The following HMCN2 variants were observed in gnomAD, a reference collection of about 807,000 sequenced individuals.
HMCN2 encodes the protein hemicentin-2.
In HMCN2, 325 loss-of-function variants were observed where a neutral mutation model predicts 377.5. The ratio of observed to expected loss-of-function variants is 0.86; its 90% CI spans 0.79 to 0.94. The LOEUF (loss-of-function observed/expected upper bound fraction) is 0.94. Ranked by LOEUF, HMCN2 falls within the 40% of genes least tolerant of loss-of-function variation. The pLI, the probability that HMCN2 is intolerant of heterozygous loss-of-function variation, is 0.00. For missense variants in HMCN2, 4,543 were observed against 4,725.3 expected (o/e 0.96, Z 1.13); for synonymous variants, 2,007 against 2,046.8 (o/e 0.98, Z 0.53).
In HMCN2 at chr9:130,360,218, A is replaced by G. The variant is rs1840295116; in HGVS notation, c.5774-210A>G. Among the ~76,000 whole-genome samples the G allele has an allele frequency of 6.6e-6, 1 of 152,166 alleles. No homozygotes were observed. The highest frequency in any genetic ancestry group is 2.1e-4 in the South Asian group (1 of 4,828). On this transcript the variant is annotated intron_variant, in intron 37 of 97. Coordinates refer to ENST00000683500, the MANE Select transcript of HMCN2 (RefSeq NM_001291815.2). The surrounding 1 kb of genome is among the most constrained non-coding windows in gnomAD (Gnocchi z 4.7). ...GACCTTCTCCAATGCCTGAAAAAAT[A>G]GTGTGGTCACCCTGGAAGTTTCTCT...
At chr9:130,412,945 T>C (rs1275817129) in intron 85 of HMCN2, among the ~76,000 whole-genome samples, 3 of 152,188 alleles carry the variant, frequency 2.0e-5, no homozygotes. Context: ...TTAATCTTTG[T>C]GTGGGGTAAG....
intron 54 of HMCN2, among the ~76,000 whole-genome samples, chr9:130,381,532 G>A (rs1455636898): frequency 2.6e-5 from 4 of 152,100 alleles, no homozygotes; most frequent in African/African-American, 9.7e-5. Flanking sequence ...CCACACCCGG[G>A]GAATTTTTGT....
At chr9:130,290,998 C>T (rs1378437617) in intron 4 of HMCN2, among the ~76,000 whole-genome samples, 3 of 152,040 alleles carry the variant, frequency 2.0e-5, no homozygotes, top group Non-Finnish European at 4.4e-5. Context: ...CAATAAGTAG[C>T]ATGCAAGACA....
At chr9:130,285,806 C>T (rs576256725) in intron 3 of HMCN2, among the ~76,000 whole-genome samples, 5 of 152,226 alleles carry the variant, frequency 3.3e-5, no homozygotes, top group African/African-American at 9.6e-5. Flanking sequence ...TCCACAGGGC[C>T]GGGACTGCTT....
chr9:130,411,334 ACT>A (rs1266270504), intron 85 of HMCN2, among the ~76,000 whole-genome samples: 1 of 152,086 alleles, frequency 6.6e-6, no homozygotes, highest in Non-Finnish European at 1.5e-5. Flanking sequence ...GGGCTCGGTG[ACT>A]CACAGCTGTA....
intron 15 of HMCN2, among the ~76,000 whole-genome samples, 155 bp downstream of exon 15, chr9:130,310,216 G>T (rs1489407137): frequency 6.6e-6 from 1 of 152,238 alleles, no homozygotes; most frequent in African/African-American, 2.4e-5. Flanking sequence ...GAAGTCCAGG[G>T]GAGGCGGTGC....
intron 12 of HMCN2, 37 bp downstream of exon 12, chr9:130,306,307 G>A (rs1554936745): frequency 2.1e-6 from 1 of 468,354 alleles, no homozygotes; most frequent in Non-Finnish European, 4.4e-6. Context: ...GGGACTCACA[G>A]CAGGTGGACA....
chr9:130,333,216 T>G (rs1218415024), intron 22 of HMCN2, among the ~76,000 whole-genome samples: 3 of 152,158 alleles, frequency 2.0e-5, no homozygotes, highest in African/African-American at 7.2e-5. Flanking sequence ...CACGGAGCCA[T>G]CAGACAGCGT....
At chr9:130,395,374 G>T (rs1423572407) in intron 71 of HMCN2, 27 bp downstream of exon 71, 2 of 1,275,630 alleles carry the variant, frequency 1.6e-6, no homozygotes, top group East Asian at 1.1e-4. Flanking sequence ...GCCCCAGGGT[G>T]CTGCCTTCTG....
Position 130,418,920 on chromosome 9 carries a change from G to C in HMCN2, c.13110G>C (p.Arg4370=). ...GQPLRASRRL[R]TLPDGSLWLE... is the part of the protein sequence containing the mutation. ...CCTTGCGGGCCAGCCGGCGGCTCCG[G>C]ACCCTGCCCGATGGGAGCCTGTGGC... Residue 4370 remains arginine, a synonymous_variant, in exon 86 of 98, where the codon CGG becomes CGC. Transcript: ENST00000683500. 1 of 1,547,670 alleles carries C rather than the reference G, an allele frequency of 6.5e-7. No individual in the cohort carries two copies. The highest frequency in any genetic ancestry group is 8.7e-7 in the Non-Finnish European group (1 of 1,145,270).
intron 54 of HMCN2, among the ~76,000 whole-genome samples, chr9:130,381,834 C>T (rs558972710): frequency 6.6e-6 from 1 of 152,188 alleles, no homozygotes; most frequent in South Asian, 2.1e-4. Context: ...GGGCTCAGCA[C>T]AACAGCAGAG....
chr9:130,377,945 C>T (rs1389501668), intron 53 of HMCN2, 146 bp downstream of exon 53: 26 of 557,152 alleles, frequency 4.7e-5, no homozygotes, highest in South Asian at 2.3e-4. Context: ...CAGCCCAGAA[C>T]GGCACCCTGC....
intron 15 of HMCN2, among the ~76,000 whole-genome samples, chr9:130,317,504 T>TCTCC (rs1837626412): frequency 7.0e-6 from 1 of 142,838 alleles, no homozygotes; most frequent in Non-Finnish European, 1.5e-5. Context: ...TCTCTCTCTC[T>TCTCC]CTTTTTTGTA....
At chr9:130,353,893 G>A (rs1202682099) in intron 31 of HMCN2, among the ~76,000 whole-genome samples, 2 of 152,124 alleles carry the variant, frequency 1.3e-5, no homozygotes, top group African/African-American at 4.8e-5. Flanking sequence ...AGCTGATAGG[G>A]GTCAGCCTGG....
At chr9:130,344,646 GTA>G (rs1839244028) in intron 25 of HMCN2, among the ~76,000 whole-genome samples, 2 of 150,270 alleles carry the variant, frequency 1.3e-5, no homozygotes, top group Admixed American at 6.6e-5. Flanking sequence ...GGTGTTTGGT[GTA>G]TATGTTTGTG....
intron 4 of HMCN2, among the ~76,000 whole-genome samples, chr9:130,293,898 G>A (rs1382259273): frequency 1.4e-4 from 21 of 152,304 alleles, no homozygotes; most frequent in African/African-American, 4.8e-4. Flanking sequence ...GGCTCTTCAA[G>A]CAGCGAGCTG....
chr9:130,391,671 G>A (rs1226922060), intron 65 of HMCN2, 97 bp downstream of exon 65: 7 of 966,210 alleles, frequency 7.2e-6, no homozygotes, highest in Admixed American at 6.2e-5. Context: ...CCTGGGCCAC[G>A]GGTCTCACTT....
intron 22 of HMCN2, among the ~76,000 whole-genome samples, chr9:130,335,568 G>A (rs1035633103): frequency 6.6e-6 from 1 of 152,074 alleles, no homozygotes; most frequent in Non-Finnish European, 1.5e-5. Context: ...TAATAGCAAG[G>A]CAGTTTAGGT....
intron 1 of HMCN2, among the ~76,000 whole-genome samples, chr9:130,271,960 T>A (rs1378648980): frequency 6.7e-6 from 1 of 149,426 alleles, no homozygotes; most frequent in Non-Finnish European, 1.5e-5. Context: ...GTATTAGGTA[T>A]ATGGAGAGTC....
Sources: allele counts gnomAD v4.1 joint callset (sites outside exome capture counted in the v4.1 genomes callset), GRCh38; gene constraint gnomAD v4.1.1; non-coding constraint Gnocchi (gnomAD v3.1); transcripts MANE v1.5; gene names NCBI Gene and HGNC (gene_info 2026-07-23, HGNC 2026-07-21).